Variants in PVT1 observed in about 807,000 individuals in gnomAD.
The protein encoded by PVT1 is CXCR4/PVT1 fusion.
At chr8:128,066,556 T>C (rs2608049) in intron 4 of PVT1, among the ~76,000 whole-genome samples, 34,424 of 152,136 alleles carry the variant, frequency 0.23, 4,268 homozygotes, top group East Asian at 0.45. Context: ...CAAAATAAGT[T>C]TGAACTGTCA....
intron 2 of PVT1, among the ~76,000 whole-genome samples, chr8:127,826,662 G>A (rs968940029): frequency 7.9e-5 from 12 of 152,202 alleles, no homozygotes; most frequent in African/African-American, 2.4e-4. Flanking sequence ...TTGGAAGGGT[G>A]CACAAAGAAA....
At chr8:127,962,527 A>G (rs1816656493) in intron 3 of PVT1, among the ~76,000 whole-genome samples, 1 of 152,056 alleles carries the variant, frequency 6.6e-6, no homozygotes, top group Admixed American at 6.5e-5. Flanking sequence ...AGGGGTTACC[A>G]TCCCTCTTAA....
At chr8:127,986,320 G>T (rs573402853) in intron 3 of PVT1, among the ~76,000 whole-genome samples, 1 of 152,280 alleles carries the variant, frequency 6.6e-6, no homozygotes, top group African/African-American at 2.4e-5. Context: ...TTGGCACTCA[G>T]GCTCTTCAGA....
intron 2 of PVT1, among the ~76,000 whole-genome samples, chr8:127,838,125 A>G (rs983893828): frequency 3.3e-5 from 5 of 151,872 alleles, no homozygotes; most frequent in Non-Finnish European, 5.9e-5. Flanking sequence ...TCGAACTCCC[A>G]ACCTCAGGTG....
rs145182374 is a variant in PVT1, at chr8:128,035,587, C to T, written n.913-34573C>T. Among the ~76,000 whole-genome samples, 110 of 152,270 alleles carry T rather than the reference C, an allele frequency of 7.2e-4. 1 individual carries two copies. In the Middle Eastern group the frequency reaches 0.017, roughly 24 times the overall value. On this transcript the variant is annotated intron_variant and non_coding_transcript_variant, in intron 4 of 10. Transcript: ENST00000651587. ...ACATGTGGTCTGCTGGACAGCAGCC[C>T]CCCAAGATGACCATAATCCCTGGGA...
At chr8:128,041,555 ATGTG>A (rs1463032469) in intron 4 of PVT1, among the ~76,000 whole-genome samples, 9 of 26,722 alleles carry the variant, frequency 3.4e-4, no homozygotes, top group African/African-American at 7.8e-4. Context: ...TGGTGAATGT[ATGTG>A]TGTATTTTGT....
intron 3 of PVT1, among the ~76,000 whole-genome samples, chr8:127,952,754 C>A (rs1426510437): frequency 6.8e-6 from 1 of 147,070 alleles, no homozygotes; most frequent in Non-Finnish European, 1.5e-5. Flanking sequence ...TGTGTCTGCA[C>A]CTAGGTTGTG....
At chr8:127,837,340 G>T (rs1345452992) in intron 2 of PVT1, among the ~76,000 whole-genome samples, 1 of 151,876 alleles carries the variant, frequency 6.6e-6, no homozygotes. Flanking sequence ...GAAGGCCGGG[G>T]GTGGGCCTCA....
intron 2 of PVT1, among the ~76,000 whole-genome samples, chr8:127,867,108 C>T (rs766268978): frequency 2.6e-5 from 4 of 152,254 alleles, no homozygotes; most frequent in Non-Finnish European, 5.9e-5. Context: ...ATGCCCTTCT[C>T]AGTTCTGCTC....
At chr8:128,043,131 C>T (rs1031600216) in intron 4 of PVT1, among the ~76,000 whole-genome samples, 4 of 152,088 alleles carry the variant, frequency 2.6e-5, no homozygotes, top group African/African-American at 9.7e-5. Context: ...AATAAAGGGG[C>T]CAGCCCTCCA....
At chr8:127,943,318 C>T (rs1157635253) in intron 3 of PVT1, among the ~76,000 whole-genome samples, 1 of 152,170 alleles carries the variant, frequency 6.6e-6, no homozygotes, top group African/African-American at 2.4e-5. Flanking sequence ...TTCTGGCCAG[C>T]CCTGGTGGGT....
Position 128,029,345 on chromosome 8 carries a change from C to T in PVT1, n.912+40054C>T, listed in dbSNP as rs185969648. Among the ~76,000 whole-genome samples, 4 of 152,126 alleles carry T rather than the reference C, an allele frequency of 2.6e-5. No individual in the cohort carries two copies. In the East Asian group the frequency reaches 7.8e-4, roughly 30 times the overall value. On this transcript the variant is annotated intron_variant and non_coding_transcript_variant, in intron 4 of 10. Coordinates refer to ENST00000651587, the Ensembl canonical transcript of PVT1. ...GTCTCACTATGTTGCCCAGGCTGGT[C>T]TCGAACTCCTGGGCTCAAGCAACCT...
chr8:127,984,827 C>CTTTCTTTTCTTTTCTTTTCT (rs879548318), intron 3 of PVT1, among the ~76,000 whole-genome samples: 2 of 126,372 alleles, frequency 1.6e-5, no homozygotes, highest in African/African-American at 5.3e-5. Context: ...AGGCTGGTTT[C>CTTTCTTTTCTTTTCTTTTCT]TTTCTTTTCT....
chr8:127,981,394 CAG>C (rs1816881664), intron 3 of PVT1, among the ~76,000 whole-genome samples: 1 of 152,166 alleles, frequency 6.6e-6, no homozygotes, highest in Non-Finnish European at 1.5e-5. Context: ...CACCTCCTGA[CAG>C]GGCACCAGGA....
intron 3 of PVT1, among the ~76,000 whole-genome samples, chr8:127,972,246 G>T (rs1211760413): frequency 6.6e-6 from 1 of 152,220 alleles, no homozygotes; most frequent in Non-Finnish European, 1.5e-5. Context: ...CTTCCCAGTG[G>T]CCTCCGTGGG....
chr8:127,886,087 ACT>A (rs1815519427), intron 2 of PVT1, among the ~76,000 whole-genome samples: 2 of 152,094 alleles, frequency 1.3e-5, no homozygotes, highest in African/African-American at 4.8e-5. Flanking sequence ...ACAGAGCAAG[ACT>A]CTGTCTCAAG....
intron 2 of PVT1, among the ~76,000 whole-genome samples, chr8:127,850,635 TTGATG>T (rs1320890223): frequency 2.0e-5 from 3 of 152,198 alleles, no homozygotes; most frequent in Non-Finnish European, 2.9e-5. Context: ...ACAAGTAAGA[TTGATG>T]TGAATTTTAT....
At chr8:127,945,169 T>C (rs769109057) in intron 3 of PVT1, among the ~76,000 whole-genome samples, 24 of 152,212 alleles carry the variant, frequency 1.6e-4, no homozygotes, top group Non-Finnish European at 2.9e-4. Flanking sequence ...GTTGAGACAC[T>C]GTGCTTGATG....
At chr8:127,888,141 C>T (rs980739656) in intron 2 of PVT1, among the ~76,000 whole-genome samples, 6 of 151,746 alleles carry the variant, frequency 4.0e-5, no homozygotes, top group African/African-American at 9.7e-5. Context: ...GGGGTTTCAC[C>T]GTGTTAGCCA....
Sources: allele counts gnomAD v4.1 joint callset (sites outside exome capture counted in the v4.1 genomes callset), GRCh38; gene constraint gnomAD v4.1.1; transcripts MANE v1.5; gene names NCBI Gene and HGNC (gene_info 2026-07-23, HGNC 2026-07-21).